Variants in SLC24A3 observed in about 807,000 individuals in gnomAD.
SLC24A3 encodes the protein sodium/potassium/calcium exchanger 3.
SLC24A3 carries 28 observed loss-of-function variants against 75.8 expected under a neutral mutation model. The ratio of observed to expected loss-of-function variants is 0.37; its 90% CI spans 0.27 to 0.51. The LOEUF (loss-of-function observed/expected upper bound fraction) is 0.51. SLC24A3 is among the 20% of genes least tolerant of loss of function. SLC24A3 has a pLI of 0.94. For synonymous variants in SLC24A3, 372 were observed against 334.1 expected (o/e 1.11, Z -1.24); for missense variants, 663 against 847.8 (o/e 0.78, Z 2.71).
chr20:19,670,159 A>G (rs970312284), intron 8 of SLC24A3, among the ~76,000 whole-genome samples: 9 of 151,394 alleles, frequency 5.9e-5, no homozygotes, highest in Admixed American at 2.6e-4. Flanking sequence ...GACCCTTCAC[A>G]TGTAACTGTG....
intron 2 of SLC24A3, among the ~76,000 whole-genome samples, chr20:19,398,308 A>G (rs955640769): frequency 2.6e-5 from 4 of 152,164 alleles, no homozygotes; most frequent in Non-Finnish European, 5.9e-5. Flanking sequence ...CCAACACATG[A>G]ATATGGTATA....
chr20:19,266,803 T>A (rs1983180388), intron 1 of SLC24A3, among the ~76,000 whole-genome samples: 1 of 152,252 alleles, frequency 6.6e-6, no homozygotes, highest in Non-Finnish European at 1.5e-5. Flanking sequence ...GAATGGACTA[T>A]GAAGCTGTGA....
At chr20:19,461,520 CTTTTTTTTCTTTTTTTTTTT>C (rs1464664202) in intron 2 of SLC24A3, among the ~76,000 whole-genome samples, 1 of 129,370 alleles carries the variant, frequency 7.7e-6, no homozygotes, top group Non-Finnish European at 1.6e-5. Flanking sequence ...CTTTTCTTTT[CTTTTTTTTCTTTTTTTTTTT>C]TTTTTTTTTT....
intron 2 of SLC24A3, among the ~76,000 whole-genome samples, chr20:19,287,166 T>C (rs1371708512): frequency 6.6e-6 from 1 of 152,260 alleles, no homozygotes; most frequent in Admixed American, 6.5e-5. Flanking sequence ...TTCTAGTCTA[T>C]AGTTGCACCT....
chr20:19,293,655 CAA>C (rs760339037), intron 2 of SLC24A3, among the ~76,000 whole-genome samples: 61 of 57,756 alleles, frequency 1.1e-3, no homozygotes, highest in East Asian at 4.9e-3. Flanking sequence ...AACTTCGTCT[CAA>C]AAAAAAAAAA....
intron 1 of SLC24A3, among the ~76,000 whole-genome samples, chr20:19,221,082 C>G (rs1184111614): frequency 2.0e-5 from 3 of 152,148 alleles, no homozygotes; most frequent in Admixed American, 1.3e-4. Flanking sequence ...TTTTTAGAGA[C>G]AGGATCTTGC....
intron 2 of SLC24A3, among the ~76,000 whole-genome samples, chr20:19,469,915 A>C (rs1987838501): frequency 6.6e-6 from 1 of 152,204 alleles, no homozygotes; most frequent in African/African-American, 2.4e-5. Context: ...ATTCCCATGC[A>C]AGGGTGACAC....
At chr20:19,550,734 T>A (rs879369743) in intron 3 of SLC24A3, among the ~76,000 whole-genome samples, 3 of 152,218 alleles carry the variant, frequency 2.0e-5, no homozygotes, top group Non-Finnish European at 4.4e-5. Flanking sequence ...TAAGTCTAGT[T>A]GAGAGGCAAA....
intron 6 of SLC24A3, among the ~76,000 whole-genome samples, chr20:19,635,019 T>C (rs781352365): frequency 2.0e-5 from 3 of 152,232 alleles, no homozygotes; most frequent in Non-Finnish European, 4.4e-5. Context: ...TGCTATGTCA[T>C]AGACACAGCC....
chr20:19,336,546 T>A (rs1985139512), intron 2 of SLC24A3, among the ~76,000 whole-genome samples: 1 of 152,048 alleles, frequency 6.6e-6, no homozygotes, highest in South Asian at 2.1e-4. Flanking sequence ...CCACCACACC[T>A]GGATAATTTT....
chr20:19,471,358 A>G (rs959550918), intron 2 of SLC24A3, among the ~76,000 whole-genome samples: 1 of 152,192 alleles, frequency 6.6e-6, no homozygotes, highest in Non-Finnish European at 1.5e-5. Flanking sequence ...GCCTTAACGA[A>G]TATACTATCA....
chr20:19,449,855 G>T (rs552224714), intron 2 of SLC24A3, among the ~76,000 whole-genome samples: 1 of 152,290 alleles, frequency 6.6e-6, no homozygotes, highest in Admixed American at 6.5e-5. Context: ...TTCCAGATAC[G>T]CTTTATCTTC....
At position 19,681,887 on chromosome 20, in the gene SLC24A3, AGAG is replaced by A. The variant is rs1249337329; in HGVS notation, c.803_805del (p.Arg268del). On this transcript the variant is annotated inframe_deletion, in exon 10 of 17. Coordinates refer to ENST00000328041, the MANE Select transcript of SLC24A3 (RefSeq NM_020689.4). ...AACGCTTGCATACATCAGTGCTTTG[AGAG>A]GAGGACAAAAGGTGCCGGGAACATG... 5 of 1,614,166 alleles carry A rather than the reference AGAG, an allele frequency of 3.1e-6. No homozygotes were observed. The highest frequency in any genetic ancestry group is 3.4e-6 in the Non-Finnish European group (4 of 1,180,034).
chr20:19,483,710 G>A (rs892276131), intron 2 of SLC24A3, among the ~76,000 whole-genome samples: 1 of 152,194 alleles, frequency 6.6e-6, no homozygotes, highest in Admixed American at 6.5e-5. Context: ...AAGCCTGTGT[G>A]GAGTTGCTGT....
intron 9 of SLC24A3, among the ~76,000 whole-genome samples, chr20:19,678,523 A>C (rs1464177248): frequency 3.4e-4 from 31 of 90,456 alleles, no homozygotes; most frequent in African/African-American, 5.1e-4. Flanking sequence ...CTGACCCCCC[A>C]ACCTCCCTCC....
chr20:19,606,276 A>G (rs1294544579), intron 6 of SLC24A3, among the ~76,000 whole-genome samples: 1 of 152,192 alleles, frequency 6.6e-6, no homozygotes, highest in Non-Finnish European at 1.5e-5. Flanking sequence ...CCTGAGTGCT[A>G]GAGGCTTCCA....
intron 4 of SLC24A3, among the ~76,000 whole-genome samples, chr20:19,584,542 G>A (rs1305116502): frequency 1.3e-5 from 2 of 152,196 alleles, no homozygotes; most frequent in Non-Finnish European, 1.5e-5. Flanking sequence ...ACTGGGCAAT[G>A]CTGCCCATAG....
intron 2 of SLC24A3, among the ~76,000 whole-genome samples, chr20:19,354,516 A>T (rs1298835024): frequency 2.0e-5 from 3 of 152,110 alleles, no homozygotes; most frequent in Non-Finnish European, 4.4e-5. Context: ...TCATTTTTCA[A>T]AAAGCACCTA....
intron 3 of SLC24A3, among the ~76,000 whole-genome samples, chr20:19,576,307 G>A (rs1027602529): frequency 6.6e-6 from 1 of 152,180 alleles, no homozygotes; most frequent in African/African-American, 2.4e-5. Context: ...TGTATTAATA[G>A]TACCATCAAT....
Sources: allele counts gnomAD v4.1 joint callset (sites outside exome capture counted in the v4.1 genomes callset), GRCh38; gene constraint gnomAD v4.1.1; transcripts MANE v1.5; gene names NCBI Gene and HGNC (gene_info 2026-07-23, HGNC 2026-07-21).